DCDC2: variants seen among roughly 807,000 people sequenced by gnomAD.
DCDC2 encodes the protein doublecortin domain containing 2, also known as doublecortin domain-containing protein 2.
Under a neutral mutation model 50.2 loss-of-function variants are expected in DCDC2, and 40 were observed. The ratio of observed to expected loss-of-function variants is 0.80; its 90% CI spans 0.62 to 1.04. The LOEUF (loss-of-function observed/expected upper bound fraction) is 1.04, where lower values mean the gene tolerates loss of function less well. DCDC2 is among the 50% of genes least tolerant of loss of function. DCDC2 has a pLI of 0.00. For synonymous variants in DCDC2, 234 were observed against 210.6 expected (o/e 1.11, Z -0.96); for missense variants, 570 against 581.9 (o/e 0.98, Z 0.21).
rs764160660 is a variant in DCDC2, at chr6:24,278,223, A to G, written c.760-12T>C. ...TGGCGATCATTTCCCTAAATGGCAA[A>G]GTATTAGACCCTTATTATTAGCTAA... On this transcript the variant is annotated splice_polypyrimidine_tract_variant and intron_variant, in intron 6 of 9. Coordinates refer to ENST00000378454, the MANE Select transcript of DCDC2 (RefSeq NM_016356.5). 2.5e-6 allele frequency: 4 copies of G among 1,605,064 alleles called. No individual in the cohort carries two copies. In the African/African-American group the frequency reaches 4.0e-5, roughly 16 times the overall value.
chr6:24,284,435 G>A (rs4712816), intron 6 of DCDC2, among the ~76,000 whole-genome samples: 36 of 151,436 alleles, frequency 2.4e-4, no homozygotes, highest in African/African-American at 6.5e-4. Context: ...GTGAAACCCC[G>A]TCTCTACTAA....
chr6:24,254,668 T>C (rs918372461), intron 7 of DCDC2, among the ~76,000 whole-genome samples: 3 of 152,150 alleles, frequency 2.0e-5, no homozygotes, highest in African/African-American at 7.2e-5. Flanking sequence ...CTCCTCAACT[T>C]GATAGGCTAA....
intron 7 of DCDC2, among the ~76,000 whole-genome samples, chr6:24,210,212 C>T (rs1483753349): frequency 6.6e-6 from 1 of 152,164 alleles, no homozygotes. Context: ...GGTTCTCTAT[C>T]TACACACTTT....
chr6:24,277,534 T>C (rs562113768), intron 7 of DCDC2, among the ~76,000 whole-genome samples: 1 of 152,206 alleles, frequency 6.6e-6, no homozygotes, highest in Non-Finnish European at 1.5e-5. Flanking sequence ...TTTTATACCA[T>C]CTCTCACCTG....
At chr6:24,205,176 C>G in intron 7 of DCDC2, 74 bp from the exon 8 acceptor site, 1 of 1,614,052 alleles carries the variant, frequency 6.2e-7, no homozygotes, top group African/African-American at 1.3e-5. Context: ...GAATTACAAT[C>G]AAATGCTTAT....
upstream of DCDC2, among the ~76,000 whole-genome samples, chr6:24,362,947 T>C (rs1760694287): frequency 6.6e-6 from 1 of 152,136 alleles, no homozygotes; most frequent in African/African-American, 2.4e-5. Flanking sequence ...GTCCGAACAC[T>C]GAGCAAAGTG....
intron 2 of DCDC2, among the ~76,000 whole-genome samples, chr6:24,329,899 G>A (rs754059389): frequency 2.6e-5 from 4 of 152,062 alleles, no homozygotes; most frequent in Non-Finnish European, 4.4e-5. Flanking sequence ...TACTTGCATG[G>A]TATGAAATAC....
chr6:24,221,621 G>T (rs916276818), intron 7 of DCDC2, among the ~76,000 whole-genome samples: 2 of 152,224 alleles, frequency 1.3e-5, no homozygotes, highest in African/African-American at 4.8e-5. Flanking sequence ...TCCATATGGA[G>T]CTAGGACAGG....
At chr6:24,283,128 A>G (rs1280160121) in intron 6 of DCDC2, among the ~76,000 whole-genome samples, 1 of 152,118 alleles carries the variant, frequency 6.6e-6, no homozygotes, top group Non-Finnish European at 1.5e-5. Flanking sequence ...GTCTTTTCCG[A>G]TAGAGGGTGC....
At chr6:24,284,471 G>A (rs1484338600) in intron 6 of DCDC2, among the ~76,000 whole-genome samples, 1 of 151,852 alleles carries the variant, frequency 6.6e-6, no homozygotes, top group Non-Finnish European at 1.5e-5. Flanking sequence ...AATTAGCCAG[G>A]CATGGTGGCG....
At chr6:24,200,828 AAAAG>A (rs2113758330) in intron 8 of DCDC2, among the ~76,000 whole-genome samples, 1 of 152,044 alleles carries the variant, frequency 6.6e-6, no homozygotes, top group Non-Finnish European at 1.5e-5. Context: ...TGGAAAGAAA[AAAAG>A]AAAAAAAAAA....
At chr6:24,228,434 G>C (rs546849825) in intron 7 of DCDC2, among the ~76,000 whole-genome samples, 1 of 152,292 alleles carries the variant, frequency 6.6e-6, no homozygotes, top group Non-Finnish European at 1.5e-5. Context: ...ATTATTTTGA[G>C]TTTTTTCTCA....
chr6:24,359,166 AT>A (rs1276779814), upstream of DCDC2, among the ~76,000 whole-genome samples: 2 of 68,340 alleles, frequency 2.9e-5, no homozygotes, highest in Non-Finnish European at 4.8e-5. Flanking sequence ...TATTTTATAT[AT>A]TTTATATATA....
chr6:24,307,998 C>T (rs531388954), intron 2 of DCDC2, among the ~76,000 whole-genome samples: 2 of 152,214 alleles, frequency 1.3e-5, no homozygotes, highest in East Asian at 1.9e-4. Context: ...CCCAGGGGCA[C>T]AAAAGGCAGA....
At chr6:24,268,053 C>CA (rs1376098717) in intron 7 of DCDC2, among the ~76,000 whole-genome samples, 1 of 152,162 alleles carries the variant, frequency 6.6e-6, no homozygotes, top group Non-Finnish European at 1.5e-5. Flanking sequence ...GGATCCAAAG[C>CA]AAGTAAAAGC....
chr6:24,236,909 T>G lies in DCDC2; in HGVS notation c.923-31807A>C, dbSNP rs145854237. On this transcript the variant is annotated intron_variant, in intron 7 of 9. Transcript: ENST00000378454. The stretch of plus-strand genomic sequence containing the variant: ...CCTGTAATCTGGCCACTTGGGGGGC[T>G]GAGGCATGAGAATCGCTTGAATCTG... 2.8e-3 allele frequency among the ~76,000 whole-genome samples: 419 copies of G among 152,074 alleles called. 2 individuals carry two copies. Among genetic ancestry groups the G allele is most frequent in the African/African-American group, 9.1e-3 (378 of 41,494 alleles).
At chr6:24,306,072 G>A (rs1275961363) in intron 2 of DCDC2, among the ~76,000 whole-genome samples, 8 of 152,078 alleles carry the variant, frequency 5.3e-5, no homozygotes, top group South Asian at 4.2e-4. Flanking sequence ...CTTGAAATAT[G>A]AGGGTAATAT....
intron 7 of DCDC2, among the ~76,000 whole-genome samples, chr6:24,269,319 A>G (rs1421402273): frequency 6.6e-6 from 1 of 152,232 alleles, no homozygotes; most frequent in East Asian, 1.9e-4. Context: ...ACAGAGGTCT[A>G]AGAAATGACT....
chr6:24,201,351 A>T (rs1761583250), intron 8 of DCDC2, among the ~76,000 whole-genome samples: 1 of 152,230 alleles, frequency 6.6e-6, no homozygotes, highest in Non-Finnish European at 1.5e-5. Flanking sequence ...TAAGGAACTC[A>T]TGAAAAACCA....
Sources: gnomAD v4.1 joint callset for allele counts (sites outside exome capture counted in the v4.1 genomes callset) on GRCh38, gnomAD v4.1.1 for gene constraint, MANE v1.5 for transcripts, NCBI Gene and HGNC (gene_info 2026-07-23, HGNC 2026-07-21) for gene names.